The following COG6 variants were observed in gnomAD, a reference collection of about 807,000 sequenced individuals.
COG6 encodes conserved oligomeric Golgi complex subunit 6.
A neutral mutation model predicts 88.8 loss-of-function variants in COG6; 74 were observed. The observed-to-expected ratio is 0.83, with a 90% CI of 0.69 to 1.01. COG6 has a LOEUF of 1.01. Ranked by LOEUF, COG6 falls within the 50% of genes least tolerant of loss-of-function variation. The pLI, the probability that COG6 is intolerant of heterozygous loss-of-function variation, is 0.00. For missense variants in COG6, 800 were observed against 797.9 expected (o/e 1.00, Z -0.03); for synonymous variants, 286 against 278.7 (o/e 1.03, Z -0.26).
At chr13:39,777,037 A>G (rs1881484576) in intron 18 of COG6, among the ~76,000 whole-genome samples, 1 of 152,212 alleles carries the variant, frequency 6.6e-6, no homozygotes, top group Admixed American at 6.5e-5. Context: ...TTCCATCACC[A>G]AATTAACAAC....
chr13:39,724,607 G>A (rs376731312), intron 17 of COG6, 46 bp downstream of exon 17: 97 of 1,368,218 alleles, frequency 7.1e-5, no homozygotes, highest in Non-Finnish European at 6.2e-5. Flanking sequence ...CTTATGGATC[G>A]ATAGTCTTCA....
chr13:39,752,830 C>T (rs1256441241), downstream of COG6, among the ~76,000 whole-genome samples: 1 of 152,120 alleles, frequency 6.6e-6, no homozygotes, highest in Non-Finnish European at 1.5e-5. Flanking sequence ...ATTAATATAA[C>T]ACCTAAATTT....
chr13:39,710,314 T>A, intron 13 of COG6, among the ~76,000 whole-genome samples: 1 of 152,158 alleles, frequency 6.6e-6, no homozygotes, highest in South Asian at 2.1e-4. Flanking sequence ...ATAGAGTTGA[T>A]TTTGATCGTT....
In COG6 at chr13:39,696,494, G is replaced by A. The variant is rs1024847456; in HGVS notation, c.1166+1769G>A. On this transcript the variant is annotated intron_variant, in intron 12 of 18. Transcript: ENST00000455146. ...TGGATGTGAATAATATGAAGGAGTTGGGCATGAAAAGATCATGGAGAAGAG... is the reference window on the plus strand; with the variant it reads ...TGGATGTGAATAATATGAAGGAGTTAGGCATGAAAAGATCATGGAGAAGAG... Among the ~76,000 whole-genome samples the A allele has an allele frequency of 3.3e-5, 5 of 151,706 alleles. No individual in the cohort carries two copies. In the Admixed American group the frequency reaches 3.3e-4, roughly 10 times the overall value.
In COG6 at chr13:39,718,505, A is replaced by G. The variant is rs566292496; in HGVS notation, c.1285-731A>G. On this transcript the variant is annotated intron_variant, in intron 13 of 18. Coordinates refer to ENST00000455146, the MANE Select transcript of COG6 (RefSeq NM_020751.3). ...ACCAAATAAGGATAGTGAACTTGGCATACCTTCTACTTAGTAAGTGCAAGG... is the reference window on the plus strand; with the variant it reads ...ACCAAATAAGGATAGTGAACTTGGCGTACCTTCTACTTAGTAAGTGCAAGG... 1.3e-4 allele frequency among the ~76,000 whole-genome samples: 20 copies of G among 152,238 alleles called. No individual in the cohort carries two copies. In the East Asian group the frequency reaches 3.7e-3, roughly 28 times the overall value.
In COG6 at chr13:39,682,267, T is replaced by A. The variant is rs1876359941; in HGVS notation, c.788+3T>A. 1 of 1,587,126 alleles carries A rather than the reference T, an allele frequency of 6.3e-7. No individual in the cohort carries two copies. ...CAGGACAGACCTGTCTTATATAAGTTGGTGACTTTTTCTTAATTAAAAATG... is the reference window on the plus strand; with the variant it reads ...CAGGACAGACCTGTCTTATATAAGTAGGTGACTTTTTCTTAATTAAAAATG... On this transcript the variant is annotated splice_donor_region_variant and intron_variant, in intron 8 of 18. Coordinates refer to ENST00000455146, the MANE Select transcript of COG6 (RefSeq NM_020751.3).
downstream of COG6, among the ~76,000 whole-genome samples, chr13:39,752,957 T>C (rs1880715824): frequency 6.6e-6 from 1 of 152,218 alleles, no homozygotes; most frequent in African/African-American, 2.4e-5. Context: ...AAAACCCTTA[T>C]GTGGTTGAAC....
At chr13:39,705,732 T>C (rs1877856148) in intron 13 of COG6, among the ~76,000 whole-genome samples, 1 of 152,146 alleles carries the variant, frequency 6.6e-6, no homozygotes, top group African/African-American at 2.4e-5. Flanking sequence ...TGAATCTCTT[T>C]TTACTACTCA....
At chr13:39,684,416 A>G (rs1876519413) in intron 8 of COG6, among the ~76,000 whole-genome samples, 1 of 150,528 alleles carries the variant, frequency 6.6e-6, no homozygotes, top group Admixed American at 6.6e-5. Flanking sequence ...CGCCCGGCTA[A>G]TTTTTTGTAT....
intron 13 of COG6, among the ~76,000 whole-genome samples, chr13:39,706,253 C>A (rs1478911001): frequency 2.7e-4 from 4 of 14,680 alleles, no homozygotes; most frequent in South Asian, 0.012. Flanking sequence ...ATATATACTC[C>A]TTTATATATA....
intron 16 of COG6, among the ~76,000 whole-genome samples, chr13:39,723,948 A>G (rs17060484): frequency 0.014 from 2,104 of 152,148 alleles, 57 homozygotes; most frequent in African/African-American, 0.048. Flanking sequence ...ATTAAATTAT[A>G]GAACCCTAGT....
At position 39,680,013 on chromosome 13, in the gene COG6, C is replaced by T. The variant is rs1427134121; in HGVS notation, c.662C>T (p.Thr221Met). 13 of 1,587,880 alleles carry T rather than the reference C, an allele frequency of 8.2e-6. No homozygotes were observed. Among genetic ancestry groups the T allele is most frequent in the East Asian group, 4.5e-5 (2 of 44,590 alleles). Residue 221 changes from threonine to methionine, a missense_variant, in exon 7 of 19, where the codon ACG becomes ATG. Coordinates refer to ENST00000455146, the MANE Select transcript of COG6 (RefSeq NM_020751.3). ...GAACAGATGGCCTTACTTCAAGAAA[C>T]GGCTTATGAAAGACTTTACCGATGG... ...IMEQMALLQE[T>M]AYERLYRWAQ...
intron 18 of COG6, among the ~76,000 whole-genome samples, chr13:39,778,882 T>C (rs1341627936): frequency 6.6e-6 from 1 of 152,198 alleles, no homozygotes; most frequent in African/African-American, 2.4e-5. Context: ...CCTGGCTTCC[T>C]TGAAAGTGAG....
chr13:39,698,394 T>C (rs1030164227), intron 12 of COG6, among the ~76,000 whole-genome samples: 19 of 151,994 alleles, frequency 1.3e-4, no homozygotes, highest in East Asian at 1.9e-4. Flanking sequence ...AAAATACTTA[T>C]TGTTTCTTTA....
chr13:39,685,279 ATGTC>A (rs1876570605), intron 8 of COG6, among the ~76,000 whole-genome samples: 1 of 152,178 alleles, frequency 6.6e-6, no homozygotes, highest in Non-Finnish European at 1.5e-5. Flanking sequence ...TGTTGGAAGA[ATGTC>A]TGATTTTGGT....
chr13:39,746,348 T>G (rs1169961839), intron 18 of COG6, among the ~76,000 whole-genome samples: 4 of 152,072 alleles, frequency 2.6e-5, no homozygotes, highest in Non-Finnish European at 4.4e-5. Context: ...AGCTATGGAC[T>G]AGGCTGTGAT....
At chr13:39,734,674 C>A (rs565356944) in intron 18 of COG6, among the ~76,000 whole-genome samples, 1 of 152,278 alleles carries the variant, frequency 6.6e-6, no homozygotes, top group African/African-American at 2.4e-5. Flanking sequence ...TCTGGGAAGT[C>A]TGTCCAGTGC....
intron 17 of COG6, among the ~76,000 whole-genome samples, chr13:39,726,221 TCCA>T: frequency 6.6e-6 from 1 of 152,048 alleles, no homozygotes; most frequent in South Asian, 2.1e-4. Context: ...TAAGTCCTCT[TCCA>T]GGCATTATTA....
chr13:39,739,929 A>G (rs1879958988), intron 18 of COG6, among the ~76,000 whole-genome samples: 1 of 152,162 alleles, frequency 6.6e-6, no homozygotes, highest in Non-Finnish European at 1.5e-5. Flanking sequence ...ATTCAAAATT[A>G]ACATACTAAA....
Sources: allele counts gnomAD v4.1 joint callset (sites outside exome capture counted in the v4.1 genomes callset), GRCh38; gene constraint gnomAD v4.1.1; transcripts MANE v1.5; gene names NCBI Gene and HGNC (gene_info 2026-07-23, HGNC 2026-07-21).